Variants in SOS2 observed in about 807,000 individuals in gnomAD.
SOS2 encodes the protein son of sevenless homolog 2.
In SOS2, 65 loss-of-function variants were observed where a neutral mutation model predicts 148.2. The observed-to-expected ratio is 0.44, with a 90% CI of 0.36 to 0.54. The LOEUF is 0.54. Ranked by LOEUF, SOS2 falls within the 20% of genes least tolerant of loss-of-function variation. The pLI is 0.00. For synonymous variants in SOS2, 539 were observed against 537.1 expected (o/e 1.00, Z -0.05); for missense variants, 1,341 against 1,590.2 (o/e 0.84, Z 2.67).
intron 8 of SOS2, among the ~76,000 whole-genome samples, chr14:50,164,708 C>T (rs777802388): frequency 1.3e-5 from 2 of 151,962 alleles, no homozygotes; most frequent in Admixed American, 6.6e-5. Context: ...TACTTTCATG[C>T]CCCCATTCGC....
Position 50,159,914 on chromosome 14 carries a change from G to C in SOS2, c.1369C>G (p.Arg457Gly). 6.2e-7 allele frequency: 1 copy of C among 1,614,052 alleles called. No homozygotes were observed. ...AAGCCATCAAACAGAAAAATATGCCGTTCATGTTTGGCACCGATTCTTGTC... is the reference window on the plus strand; with the variant it reads ...AAGCCATCAAACAGAAAAATATGCCCTTCATGTTTGGCACCGATTCTTGTC... ...PLTRIGAKHERHIFLFDGLMI... is the reference protein window; with the variant it reads ...PLTRIGAKHEGHIFLFDGLMI... The change falls in exon 10 of 23, where the codon CGG (arginine) becomes GGG (glycine). Residue 457 changes from arginine to glycine, a missense_variant. This residue lies in a region of SOS2 where 574 missense variants were observed against 711.1 expected (regional missense o/e 0.81). Transcript: ENST00000216373.
intron 19 of SOS2, among the ~76,000 whole-genome samples, chr14:50,132,518 G>A (rs955858934): frequency 4.0e-5 from 6 of 151,726 alleles, no homozygotes; most frequent in African/African-American, 7.3e-5. Flanking sequence ...AAAATTAGCC[G>A]GGCGTAGTGG....
chr14:50,127,035 T>C (rs1250432054), intron 21 of SOS2, among the ~76,000 whole-genome samples: 1 of 152,158 alleles, frequency 6.6e-6, no homozygotes, highest in Non-Finnish European at 1.5e-5. Flanking sequence ...CAGTACACCT[T>C]TCCCTTTTTC....
intron 18 of SOS2, among the ~76,000 whole-genome samples, chr14:50,138,319 G>A (rs1007178760): frequency 3.3e-5 from 5 of 151,762 alleles, no homozygotes; most frequent in Admixed American, 2.6e-4. Context: ...ACCATGCCCA[G>A]CTAATTTTTT....
intron 1 of SOS2, among the ~76,000 whole-genome samples, chr14:50,218,315 G>A (rs1324026021): frequency 6.7e-6 from 1 of 149,082 alleles, no homozygotes; most frequent in East Asian, 2.0e-4. Flanking sequence ...TTGAGGCCAA[G>A]AGTTTGAGAT....
Position 50,118,817 on chromosome 14 carries a change from G to T in SOS2, c.3526C>A (p.Pro1176Thr). 1 of 1,512,202 alleles carries T rather than the reference G, an allele frequency of 6.6e-7. No individual in the cohort carries two copies. The allele number at this position is 1,512,202 out of a possible 1,614,324, so 93.7% of individuals were successfully genotyped here. ...TTTGGAGGAGGAGGCTGTCTCGGTG[G>T]AATAGCAGGAGGATCATCATCAGAT... ...MKSDDDPPAI[P>T]PRQPPPPKVK... Residue 1176 changes from proline (P) to threonine (T), a missense_variant, in exon 23 of 23, where the codon CCA (proline) becomes ACA (threonine). Pro to Thr is a conservative substitution (Grantham distance 38, BLOSUM62 -1). Transcript: ENST00000216373.
intron 8 of SOS2, among the ~76,000 whole-genome samples, chr14:50,168,943 T>C (rs903674888): frequency 2.0e-5 from 3 of 152,220 alleles, no homozygotes; most frequent in South Asian, 4.1e-4. Flanking sequence ...AGATTTATGA[T>C]AAAACAAGAT....
At chr14:50,211,689 C>T (rs1237834773) in intron 1 of SOS2, among the ~76,000 whole-genome samples, 2 of 151,902 alleles carry the variant, frequency 1.3e-5, no homozygotes, top group African/African-American at 2.4e-5. Flanking sequence ...AACTCCTGGG[C>T]TCAAGCAATC....
intron 4 of SOS2, among the ~76,000 whole-genome samples, chr14:50,197,944 C>G (rs1225541132): frequency 1.3e-5 from 2 of 151,696 alleles, no homozygotes; most frequent in African/African-American, 4.8e-5. Context: ...CCCGCCTCAG[C>G]CTCCCAAAGT....
At chr14:50,214,143 T>G (rs1595030613) in intron 1 of SOS2, among the ~76,000 whole-genome samples, 1 of 152,188 alleles carries the variant, frequency 6.6e-6, no homozygotes, top group South Asian at 2.1e-4. Flanking sequence ...ATTATCTTTT[T>G]ATTTACATAA....
At chr14:50,155,308 T>C (rs1038802150) in intron 12 of SOS2, among the ~76,000 whole-genome samples, 3 of 152,164 alleles carry the variant, frequency 2.0e-5, no homozygotes, top group African/African-American at 4.8e-5. Flanking sequence ...CTCCATCCAA[T>C]TCCATACAGG....
At chr14:50,129,875 G>A in intron 21 of SOS2, 86 bp downstream of exon 21, 1 of 802,818 alleles carries the variant, frequency 1.2e-6, no homozygotes, top group Non-Finnish European at 2.0e-6. Context: ...CTTTAATATT[G>A]CCAAAACTCA....
intron 8 of SOS2, among the ~76,000 whole-genome samples, chr14:50,168,813 G>A (rs940383193): frequency 6.6e-6 from 1 of 152,154 alleles, no homozygotes; most frequent in African/African-American, 2.4e-5. Flanking sequence ...TTTAGTAGTA[G>A]AAAACACAAT....
intron 8 of SOS2, among the ~76,000 whole-genome samples, chr14:50,172,377 A>T (rs1885391036): frequency 6.9e-6 from 1 of 144,162 alleles, no homozygotes; most frequent in Non-Finnish European, 1.5e-5. Flanking sequence ...TAACGGTTAC[A>T]GTTTCATTGA....
chr14:50,199,912 C>A, intron 3 of SOS2, 57 bp from the exon 4 acceptor site: 1 of 1,101,302 alleles, frequency 9.1e-7, no homozygotes, highest in Non-Finnish European at 1.3e-6. Flanking sequence ...GTATTACACA[C>A]TTAAAAAATT....
At chr14:50,143,612 T>C (rs1049785122) in intron 16 of SOS2, among the ~76,000 whole-genome samples, 9 of 152,020 alleles carry the variant, frequency 5.9e-5, no homozygotes, top group African/African-American at 1.9e-4. Flanking sequence ...TGACTAATTT[T>C]TGTACTTTTA....
At chr14:50,219,415 A>G (rs1050931144) in intron 1 of SOS2, among the ~76,000 whole-genome samples, 3 of 152,064 alleles carry the variant, frequency 2.0e-5, no homozygotes, top group Non-Finnish European at 2.9e-5. Flanking sequence ...AGCCAGATTG[A>G]AAAAAAAGAG....
chr14:50,186,893 GCTAAATCTGTTCCTAACTTTAAATA>G (rs879883678), intron 5 of SOS2, among the ~76,000 whole-genome samples: 1 of 152,174 alleles, frequency 6.6e-6, no homozygotes, highest in Non-Finnish European at 1.5e-5. Flanking sequence ...AATGAGAAAA[GCTAAATCTGTTCCTAACTTTAAATA>G]CTCAACCACC....
intron 18 of SOS2, among the ~76,000 whole-genome samples, chr14:50,135,071 C>CAAAAAAAAAAAAAAAA (rs746540364): frequency 8.7e-5 from 5 of 57,526 alleles, no homozygotes; most frequent in East Asian, 5.8e-4. Context: ...GAGACTGTCT[C>CAAAAAAAAAAAAAAAA]AAAAAAAAAA....
Sources: allele counts gnomAD v4.1 joint callset (sites outside exome capture counted in the v4.1 genomes callset), GRCh38; gene constraint gnomAD v4.1.1; regional missense constraint gnomAD v4.1.1; transcripts MANE v1.5; gene names NCBI Gene and HGNC (gene_info 2026-07-23, HGNC 2026-07-21).